MACF1: variants seen among roughly 807,000 people sequenced by gnomAD.
MACF1 encodes the protein microtubule-actin cross-linking factor 1.
In MACF1, 193 loss-of-function variants were observed where a neutral mutation model predicts 854.8. The observed-to-expected ratio is 0.23, with a 90% confidence interval of 0.20 to 0.25. The LOEUF is 0.25. Ranked by LOEUF, MACF1 falls within the 10% of genes least tolerant of loss-of-function variation. The pLI, the probability that MACF1 is intolerant of heterozygous loss-of-function variation, is 1.00. For missense variants in MACF1, 7,722 were observed against 8,929.1 expected, an observed-to-expected ratio of 0.86 and a Z score of 5.45; for synonymous variants, 3,185 against 3,226.7, an observed-to-expected ratio of 0.99 and a Z score of 0.44.
rs1329669454 is a variant in MACF1, at chr1:39,372,551, A to T, written c.13168A>T (p.Asn4390Tyr). Reference sequence around the variant, plus strand: ...CAATTGCAAAGGTACTTCTTTAGAAAATCTCATCATGGAAATCACAGCACC... The same window carrying T: ...CAATTGCAAAGGTACTTCTTTAGAATATCTCATCATGGAAATCACAGCACC... ...EINCKGTSLE[N>Y]LIMEITAPDS... is the part of the protein sequence containing the mutation. The change falls in exon 52 of 101, where the codon AAT becomes TAT. Residue 4390 changes from asparagine to tyrosine, a missense_variant. Physicochemically the swap from Asn to Tyr is moderately radical, Grantham distance 143 (BLOSUM62 -2). Coordinates refer to ENST00000564288, the MANE Select transcript of MACF1 (RefSeq NM_001394062.1). 1 of 1,613,884 alleles carries T rather than the reference A, an allele frequency of 6.2e-7. No individual in the cohort carries two copies. Among genetic ancestry groups the T allele is most frequent in the Non-Finnish European group, 8.5e-7 (1 of 1,179,806 alleles).
At position 39,436,398 on chromosome 1, in the gene MACF1, G is replaced by A. The variant is rs763933294; in HGVS notation, c.17988+637G>A. 4.9e-6 allele frequency: 7 copies of A among 1,431,546 alleles called. No homozygotes were observed. The Admixed American group carries it at 5.0e-5, about 10-fold the overall frequency. The allele number at this position is 1,431,546 out of a possible 1,614,324, so 88.7% of individuals were successfully genotyped here. ...ATCTCTCACTCACATTGTGGAATGT[G>A]TTACTTTGTGTTGTTGCTGCCTGCT... On this transcript the variant is annotated intron_variant, in intron 70 of 100. Coordinates refer to ENST00000564288, the MANE Select transcript of MACF1 (RefSeq NM_001394062.1).
chr1:39,305,568 A>G (rs1285161899), intron 23 of MACF1, among the ~76,000 whole-genome samples: 1 of 152,140 alleles, frequency 6.6e-6, no homozygotes, highest in African/African-American at 2.4e-5. Context: ...ATATGCAAAC[A>G]CTTCTTCCGT....
At chr1:39,448,849 CTAATGCATCAGTA>C in intron 84 of MACF1, 86 bp downstream of exon 84, 1 of 1,085,188 alleles carries the variant, frequency 9.2e-7, no homozygotes, top group South Asian at 2.0e-5. Flanking sequence ...GGTGATAAAG[CTAATGCATCAGTA>C]AGAGGTTTTG....
At chr1:39,329,575 A>G (rs899312952) in intron 36 of MACF1, among the ~76,000 whole-genome samples, 34 of 152,218 alleles carry the variant, frequency 2.2e-4, no homozygotes, top group African/African-American at 7.0e-4. Flanking sequence ...TCCTCTATCA[A>G]TAAGATAGAG....
In MACF1 at chr1:39,434,497, G is replaced by A. The variant is rs764550472; in HGVS notation, c.17649G>A (p.Gln5883=). Residue 5883 remains glutamine (Q), a synonymous_variant, in exon 69 of 101, where the codon CAG becomes CAA. Transcript: ENST00000564288. ...SERYARLERA[Q]VLVNQFWETY... ...GTTATGCCCGCCTAGAGCGGGCCCA[G>A]GTCTTAGTAAACCAGTTTTGGGAAA... 6.2e-7 allele frequency: 1 copy of A among 1,613,444 alleles called. No homozygotes were observed.
chr1:39,227,405 A>T (rs191563632), intron 1 of MACF1, among the ~76,000 whole-genome samples: 6 of 152,334 alleles, frequency 3.9e-5, no homozygotes, highest in Admixed American at 1.3e-4. Context: ...CAAAAAAGTA[A>T]ATCATGTTCT....
In MACF1 at chr1:39,336,299, G is replaced by T; in HGVS notation, c.9711G>T (p.Glu3237Asp). Residue 3237 changes from glutamate to aspartate, a missense_variant, in exon 37 of 101, where the codon GAG becomes GAT. Physicochemically the swap from Glu to Asp is conservative, Grantham distance 45. Transcript: ENST00000564288. ...TAGCAACACAGGAACTAACTGGAGA[G>T]AAATTTCTAGAAATGGCAAACCCTA... is the stretch of plus-strand genomic sequence containing the variant. ...SEIATQELTG[E>D]KFLEMANPNV... 1.2e-6 allele frequency: 2 copies of T among 1,614,150 alleles called. No individual in the cohort carries two copies. The highest frequency in any genetic ancestry group is 1.7e-6 in the Non-Finnish European group (2 of 1,180,018).
At chr1:39,350,404 C>T (rs1224342565) in intron 42 of MACF1, among the ~76,000 whole-genome samples, 1 of 152,174 alleles carries the variant, frequency 6.6e-6, no homozygotes, top group Admixed American at 6.5e-5. Flanking sequence ...CTGTATCACA[C>T]TGGACCCCGC....
chr1:39,288,113 C>G (rs1571271843), intron 15 of MACF1, among the ~76,000 whole-genome samples: 1 of 152,060 alleles, frequency 6.6e-6, no homozygotes, highest in Non-Finnish European at 1.5e-5. Context: ...GCATAATAAT[C>G]ACATCATGGA....
Position 39,282,275 on chromosome 1 carries a change from C to T in MACF1, c.596C>T (p.Thr199Ile), listed in dbSNP as rs1172957851. ...MSAKEKLLLW[T>I]QKVTAGYTGI... ...GCCAAGGAGAAACTACTCCTGTGGA[C>T]CCAGAAGGTGACAGCTGGTTACACA... The change falls in exon 7 of 101, where the codon ACC becomes ATC. Residue 199 changes from threonine (T) to isoleucine (I), a missense_variant. Thr to Ile is a moderately conservative substitution (Grantham distance 89, BLOSUM62 -1). This residue lies in a region of MACF1 where 108 missense variants were observed against 196.4 expected (regional missense o/e 0.55). Transcript: ENST00000564288. The T allele has an allele frequency of 6.8e-6, 11 of 1,614,046 alleles. No individual in the cohort carries two copies. Among genetic ancestry groups the T allele is most frequent in the Non-Finnish European group, 8.5e-6 (10 of 1,179,970 alleles).
intron 2 of MACF1, among the ~76,000 whole-genome samples, chr1:39,102,172 C>CA (rs1295403492): frequency 1.3e-3 from 158 of 123,756 alleles, no homozygotes; most frequent in Middle Eastern, 8.3e-3. Context: ...GAGACTCCGT[C>CA]AAAAAAAAAG....
At chr1:39,413,314 G>A (rs769979181) in intron 58 of MACF1, 8 of 1,540,256 alleles carry the variant, frequency 5.2e-6, no homozygotes, top group East Asian at 2.4e-5. Flanking sequence ...CACCTCCCCA[G>A]CTGCTGCAGT....
rs558728451 is a variant in MACF1 at position 39,485,574 on chromosome 1, C to A, written c.22448C>A (p.Ala7483Asp). The change falls in exon 101 of 101, where the codon GCT becomes GAT. Residue 7483 changes from alanine (A) to aspartate (D), a missense_variant. Ala to Asp is a moderately radical substitution (Grantham distance 126, BLOSUM62 -2). Transcript: ENST00000564288. ...TCTGCCAGTCGCCCTGGGAGTCGGG[C>A]TGGGAGTCGAGCCGGGAGTCGAGCC... ...KKSASRPGSR[A>D]GSRAGSRASS... 3 of 1,613,928 alleles carry A rather than the reference C, an allele frequency of 1.9e-6. No individual in the cohort carries two copies. The highest frequency in any genetic ancestry group is 2.2e-5 in the East Asian group (1 of 44,878).
rs185100101 is a variant in MACF1, at chr1:39,369,953, A to G, written c.12939-77A>G. 3.7e-6 allele frequency: 5 copies of G among 1,348,360 alleles called. No homozygotes were observed. In the African/African-American group the frequency reaches 7.3e-5, roughly 20 times the overall value. 83.5% of individuals were successfully genotyped at this position (1,348,360 alleles called of 1,614,324 possible). A position where few individuals can be genotyped will look rare whatever the true frequency, so the allele number is the denominator to read the frequency against. On this transcript the variant is annotated intron_variant, in intron 50 of 100. Coordinates refer to ENST00000564288, the MANE Select transcript of MACF1 (RefSeq NM_001394062.1). ...TGTTAGGTAACTGATGTCTGGAGTC[A>G]CAGAATGAACTACTCTTAGCTCAAG...
intron 2 of MACF1, among the ~76,000 whole-genome samples, chr1:39,162,979 T>C (rs2148210896): frequency 6.6e-6 from 1 of 152,306 alleles, no homozygotes; most frequent in South Asian, 2.1e-4. Flanking sequence ...ATTCTAACAA[T>C]GGTGCCTATG....
intron 58 of MACF1, among the ~76,000 whole-genome samples, chr1:39,418,017 AAAAT>A (rs1211899699): frequency 2.0e-5 from 3 of 152,178 alleles, no homozygotes; most frequent in Non-Finnish European, 2.9e-5. Flanking sequence ...AAATAAATAT[AAAAT>A]AAATACATAG....
In MACF1 at chr1:39,430,792, G is replaced by A; in HGVS notation, c.17221G>A (p.Ala5741Thr). The A allele has an allele frequency of 1.9e-6, 3 of 1,612,582 alleles. No individual in the cohort carries two copies. Among genetic ancestry groups the A allele is most frequent in the Non-Finnish European group, 2.5e-6 (3 of 1,180,014 alleles). ...TCTCTTAGAGCTGGTGCCCTGGAGA[G>A]CCAGAGAAGGGCTGGATAAACTTGT... ...RALLELVPWRAREGLDKLVSD... is the reference protein window; with the variant it reads ...RALLELVPWRTREGLDKLVSD... Residue 5741 changes from alanine to threonine, a missense_variant, in exon 66 of 101, where the codon GCC becomes ACC. Physicochemically the swap from Ala to Thr is moderately conservative, Grantham distance 58. Transcript: ENST00000564288.
intron 5 of MACF1, among the ~76,000 whole-genome samples, chr1:39,255,466 G>T (rs1434319798): frequency 6.6e-6 from 1 of 152,038 alleles, no homozygotes; most frequent in Non-Finnish European, 1.5e-5. Flanking sequence ...GCAACAACAG[G>T]GTCAACGTGA....
chr1:39,360,039 ATATATATATATATACAC>A (rs1648012903), intron 47 of MACF1, among the ~76,000 whole-genome samples: 1 of 74,048 alleles, frequency 1.4e-5, no homozygotes, highest in Non-Finnish European at 2.9e-5. Context: ...ATATATATAT[ATATATATATATATACAC>A]ACACACACAC....
Sources: allele counts gnomAD v4.1 joint callset (sites outside exome capture counted in the v4.1 genomes callset), GRCh38; gene constraint gnomAD v4.1.1; regional missense constraint gnomAD v4.1.1; transcripts MANE v1.5; gene names NCBI Gene and HGNC (gene_info 2026-07-23, HGNC 2026-07-21).